Variants in PSD3 observed in about 807,000 individuals in gnomAD.
PSD3 encodes the protein PH and SEC7 domain-containing protein 3.
A neutral mutation model predicts 105.5 loss-of-function variants in PSD3; 49 were observed. The observed-to-expected ratio is 0.46, with a 90% CI of 0.37 to 0.59. The LOEUF is 0.59. Ranked by LOEUF, PSD3 falls within the 20% of genes least tolerant of loss-of-function variation. The pLI is 0.00. For synonymous variants in PSD3, 557 were observed against 457.8 expected, an observed-to-expected ratio of 1.22 and a Z score of -2.77; for missense variants, 1,561 against 1,263.8, an observed-to-expected ratio of 1.24 and a Z score of -3.57.
intron 4 of PSD3, among the ~76,000 whole-genome samples, chr8:18,812,062 C>G (rs1297553603): frequency 2.0e-5 from 3 of 152,154 alleles, no homozygotes; most frequent in Non-Finnish European, 4.4e-5. Flanking sequence ...TCCTAAATCT[C>G]GGATCAGACT....
intron 1 of PSD3, among the ~76,000 whole-genome samples, chr8:18,951,546 A>T (rs1823235721): frequency 6.6e-6 from 1 of 152,190 alleles, no homozygotes; most frequent in South Asian, 2.1e-4. Context: ...TGCACTGACA[A>T]GTTAGGATTT....
At chr8:18,959,425 AT>A (rs1364209907) in intron 1 of PSD3, among the ~76,000 whole-genome samples, 1 of 152,128 alleles carries the variant, frequency 6.6e-6, no homozygotes, top group Non-Finnish European at 1.5e-5. Context: ...ACTTTACAGC[AT>A]TTTAAAACCT....
chr8:18,810,326 T>C (rs1435623112), intron 4 of PSD3, among the ~76,000 whole-genome samples: 1 of 152,190 alleles, frequency 6.6e-6, no homozygotes, highest in African/African-American at 2.4e-5. Context: ...CTCCACTGTC[T>C]TCCATGCTAT....
chr8:18,881,306 A>T (rs2129458653), intron 2 of PSD3, among the ~76,000 whole-genome samples: 1 of 152,346 alleles, frequency 6.6e-6, no homozygotes, highest in South Asian at 2.1e-4. Context: ...GAACACAGGG[A>T]CAGAGCTGTA....
At position 18,685,409 on chromosome 8, in the gene PSD3, C is replaced by A. The variant is rs1196858208; in HGVS notation, c.2173-29724G>T. Reference sequence around the variant, plus strand: ...ATGACAGGGGCTTTCTTCCTATATCCTTTACATTTTTTTTTTTTAACTTTT... The same window carrying A: ...ATGACAGGGGCTTTCTTCCTATATCATTTACATTTTTTTTTTTTAACTTTT... On this transcript the variant is annotated intron_variant, in intron 9 of 15. Transcript: ENST00000327040. Among the ~76,000 whole-genome samples the A allele has an allele frequency of 2.6e-5, 4 of 151,342 alleles. No homozygotes were observed. In the Admixed American group the frequency reaches 2.7e-4, roughly 10 times the overall value.
chr8:18,536,025 T>C, intron 15 of PSD3, 67 bp from the exon 16 acceptor site: 1 of 1,436,496 alleles, frequency 7.0e-7, no homozygotes, highest in Non-Finnish European at 9.7e-7. Flanking sequence ...GCAGCACACT[T>C]GTGTATTACC....
At chr8:18,631,214 A>G (rs1407850304) in intron 11 of PSD3, among the ~76,000 whole-genome samples, 1 of 151,972 alleles carries the variant, frequency 6.6e-6, no homozygotes, top group African/African-American at 2.4e-5. Flanking sequence ...GTATTATTCA[A>G]TGTATGAAGA....
intron 1 of PSD3, among the ~76,000 whole-genome samples, chr8:18,959,697 A>C (rs1254533799): frequency 1.3e-5 from 2 of 152,172 alleles, no homozygotes; most frequent in Non-Finnish European, 1.5e-5. Context: ...AAAATGGCTA[A>C]AGATCAGTGA....
intron 8 of PSD3, among the ~76,000 whole-genome samples, chr8:18,791,105 C>A (rs1046511635): frequency 6.6e-6 from 1 of 152,130 alleles, no homozygotes; most frequent in Non-Finnish European, 1.5e-5. Context: ...ACATTCCATG[C>A]TTACAGAAGA....
At chr8:18,899,865 C>T (rs1240169914) in intron 2 of PSD3, among the ~76,000 whole-genome samples, 1 of 152,084 alleles carries the variant, frequency 6.6e-6, no homozygotes, top group Non-Finnish European at 1.5e-5. Context: ...AAGGGCATTC[C>T]TCATCATAAA....
intron 9 of PSD3, among the ~76,000 whole-genome samples, chr8:18,731,781 T>C (rs1296249189): frequency 3.3e-5 from 5 of 152,190 alleles, no homozygotes; most frequent in Non-Finnish European, 7.3e-5. Context: ...TTCCAGGTTT[T>C]CCTGGGAACA....
intron 4 of PSD3, among the ~76,000 whole-genome samples, chr8:18,831,355 A>G (rs955173306): frequency 6.6e-6 from 1 of 152,214 alleles, no homozygotes; most frequent in African/African-American, 2.4e-5. Context: ...TATTAGTCAT[A>G]TAGTAATTTC....
At chr8:18,571,353 G>A (rs1219515656) in intron 14 of PSD3, among the ~76,000 whole-genome samples, 1 of 130,208 alleles carries the variant, frequency 7.7e-6, no homozygotes, top group East Asian at 2.6e-4. Flanking sequence ...CTCTTCTCTA[G>A]GCCTTCGTTC....
At chr8:18,803,422 A>T (rs1014374976) in intron 6 of PSD3, 2 of 53,032 alleles carry the variant, frequency 3.8e-5, no homozygotes, top group African/African-American at 2.2e-4. Context: ...TGTGTGTGTT[A>T]AACTCATCAT....
chr8:18,855,371 C>T (rs2129453387), intron 4 of PSD3, among the ~76,000 whole-genome samples: 1 of 152,170 alleles, frequency 6.6e-6, no homozygotes, highest in South Asian at 2.1e-4. Context: ...AGGTTCTGTG[C>T]ACATCGCCAT....
At chr8:18,787,701 T>G (rs181640897) in intron 8 of PSD3, among the ~76,000 whole-genome samples, 30 of 152,314 alleles carry the variant, frequency 2.0e-4, no homozygotes, top group African/African-American at 7.0e-4. Context: ...AAATGCTTTC[T>G]TATGATAAAA....
At chr8:18,773,994 T>TA (rs1460026536) in intron 8 of PSD3, among the ~76,000 whole-genome samples, 1 of 152,224 alleles carries the variant, frequency 6.6e-6, no homozygotes, top group Non-Finnish European at 1.5e-5. Context: ...GATGCTACTG[T>TA]AAAATTATTT....
intron 10 of PSD3, among the ~76,000 whole-genome samples, chr8:18,643,724 C>G (rs1386241077): frequency 6.6e-6 from 1 of 152,346 alleles, no homozygotes; most frequent in East Asian, 1.9e-4. Context: ...GGTTGGGCCC[C>G]CAAGGCCTCA....
Position 18,994,027 on chromosome 8 carries a change from A to G in PSD3, c.21+19536T>C, listed in dbSNP as rs569233036. 3.9e-5 allele frequency among the ~76,000 whole-genome samples: 6 copies of G among 152,106 alleles called. No individual in the cohort carries two copies. The East Asian group carries it at 1.2e-3, about 29-fold the overall frequency. On this transcript the variant is annotated intron_variant, in intron 1 of 15. Coordinates refer to ENST00000327040, the MANE Select transcript of PSD3 (RefSeq NM_015310.4). ...CAGAGTTGAAGGGAGTGAGCTCTGG[A>G]ACCGGACTGACTAGAGTTCCGTATC...
Sources: gnomAD v4.1 joint callset for allele counts (sites outside exome capture counted in the v4.1 genomes callset) on GRCh38, gnomAD v4.1.1 for gene constraint, MANE v1.5 for transcripts, NCBI Gene and HGNC (gene_info 2026-07-23, HGNC 2026-07-21) for gene names.